MTCH2: variants seen among roughly 807,000 people sequenced by gnomAD.
The protein encoded by MTCH2 is mitochondrial carrier 2.
Under a neutral mutation model 50.6 loss-of-function variants are expected in MTCH2, and 25 were observed. The observed-to-expected ratio is 0.49, with a 90% confidence interval of 0.36 to 0.69. MTCH2 has a LOEUF of 0.69. MTCH2 is among the 30% of genes least tolerant of loss of function. The pLI is 0.00. For synonymous variants in MTCH2, 106 were observed against 132.0 expected (o/e 0.80, Z 1.35); for missense variants, 273 against 384.4 (o/e 0.71, Z 2.42).
At chr11:47,611,391 G>A in the MTCH2 span, among the ~76,000 whole-genome samples, 1 of 152,258 alleles carries the variant, frequency 6.6e-6, no homozygotes, top group Non-Finnish European at 1.5e-5. Context: ...GATGCCAGAA[G>A]GGCAGGGCCC....
chr11:47,631,334 G>A (rs369895289), intron 6 of MTCH2, among the ~76,000 whole-genome samples: 2 of 152,084 alleles, frequency 1.3e-5, no homozygotes, highest in Non-Finnish European at 1.5e-5. Context: ...GCTTGAACCC[G>A]GAAGGCTGAG....
At chr11:47,629,751 T>TAA (rs370201913) in intron 8 of MTCH2, among the ~76,000 whole-genome samples, 19 of 141,214 alleles carry the variant, frequency 1.3e-4, no homozygotes, top group Non-Finnish European at 1.5e-4. Context: ...CTCTGAAAAT[T>TAA]AAAAAAAAAA....
intron 3 of MTCH2, among the ~76,000 whole-genome samples, chr11:47,637,331 T>A (rs1034128882): frequency 3.9e-5 from 6 of 152,132 alleles, no homozygotes; most frequent in African/African-American, 1.2e-4. Context: ...AGTAAAAACA[T>A]AGCCCAGGGT....
chr11:47,624,180 C>T (rs1450345779), intron 11 of MTCH2, among the ~76,000 whole-genome samples: 5 of 148,970 alleles, frequency 3.4e-5, no homozygotes, highest in South Asian at 4.2e-4. Context: ...TGCAGTGAGT[C>T]GAGATTGCAC....
At chr11:47,622,812 A>G in intron 11 of MTCH2, 36 bp from the exon 12 acceptor site, 1 of 990,364 alleles carries the variant, frequency 1.0e-6, no homozygotes, top group Non-Finnish European at 1.3e-6. Context: ...ATTCATGTTA[A>G]TATTAACCAT....
rs905883877 is a variant in MTCH2 at position 47,617,972 on chromosome 11, C to T, written c.*861G>A. On this transcript the variant is annotated 3_prime_UTR_variant, in exon 13 of 13. Coordinates refer to ENST00000302503, the MANE Select transcript of MTCH2 (RefSeq NM_014342.4). ...AACAAAAGATTATATATAATTAGAA[C>T]TGTATGGTGTAATTTAAGCACTGGC... The T allele has an allele frequency of 1.3e-5, 2 of 152,094 alleles. No individual in the cohort carries two copies. The highest frequency in any genetic ancestry group is 6.6e-5 in the Admixed American group (1 of 15,252). 9.4% of individuals were successfully genotyped at this position (152,094 alleles called of 1,614,324 possible).
chr11:47,610,135 C>T, the MTCH2 span, among the ~76,000 whole-genome samples: 1 of 152,154 alleles, frequency 6.6e-6, no homozygotes, highest in African/African-American at 2.4e-5. Flanking sequence ...AGCTAGGAGG[C>T]AGCTGACTTT....
At chr11:47,630,886 C>A in intron 7 of MTCH2, 150 bp downstream of exon 7, 1 of 766,204 alleles carries the variant, frequency 1.3e-6, no homozygotes, top group African/African-American at 1.8e-5. Context: ...ATATTTTCTC[C>A]CATTTTATTG....
intron 12 of MTCH2, among the ~76,000 whole-genome samples, chr11:47,619,457 C>G (rs1288186843): frequency 6.6e-6 from 1 of 151,950 alleles, no homozygotes; most frequent in Non-Finnish European, 1.5e-5. Context: ...TGGTCTCAAA[C>G]TCCTGACCTC....
At chr11:47,636,602 G>A (rs1450079679) in intron 3 of MTCH2, among the ~76,000 whole-genome samples, 2 of 151,680 alleles carry the variant, frequency 1.3e-5, no homozygotes, top group Non-Finnish European at 2.9e-5. Flanking sequence ...CGTGGTGGTA[G>A]GTGCCTGTAA....
rs2097289107 is a variant in MTCH2 at position 47,617,347 on chromosome 11, T to C, written c.*1486A>G. On this transcript the variant is annotated 3_prime_UTR_variant, in exon 13 of 13. Coordinates refer to ENST00000302503, the MANE Select transcript of MTCH2 (RefSeq NM_014342.4). ...TCCCAGATCATCTTTACTTAAAGAT[T>C]TTTTGGGAGAAAAAGGTAGGCAGCA... 1 of 152,216 alleles carries C rather than the reference T, an allele frequency of 6.6e-6. No homozygotes were observed. The highest frequency in any genetic ancestry group is 6.5e-5 in the Admixed American group (1 of 15,276). The allele number at this position is 152,216 out of a possible 1,614,324, so 9.4% of individuals were successfully genotyped here.
downstream of MTCH2, among the ~76,000 whole-genome samples, chr11:47,612,563 C>CA (rs910594380): frequency 1.4e-4 from 20 of 146,534 alleles, no homozygotes; most frequent in South Asian, 2.2e-4. Flanking sequence ...GACTCCATCT[C>CA]AAAAAAAAAA....
intron 5 of MTCH2, 85 bp from the exon 6 acceptor site, chr11:47,631,796 T>G: frequency 6.5e-4 from 943 of 1,440,948 alleles, no homozygotes; most frequent in Non-Finnish European, 8.4e-4. Context: ...GATATCGTGG[T>G]ATAGGATAAG....
At chr11:47,615,031 CTTTTTTTTTTTTTTTT>C (rs61122824), downstream of MTCH2, among the ~76,000 whole-genome samples, 615 of 44,964 alleles carry the variant, frequency 0.014, 15 homozygotes, top group Admixed American at 0.019. Flanking sequence ...CCCAGTGAGG[CTTTTTTTTTTTTTTTT>C]TTTTTTTTTT....
chr11:47,609,124 C>CAAAAAAA, the MTCH2 span, among the ~76,000 whole-genome samples: 26 of 89,902 alleles, frequency 2.9e-4, no homozygotes, highest in South Asian at 9.3e-4. Flanking sequence ...AACTCTGTCT[C>CAAAAAAA]AAAAAAAAAA....
chr11:47,607,034 C>G, the MTCH2 span, among the ~76,000 whole-genome samples: 2 of 152,210 alleles, frequency 1.3e-5, no homozygotes, highest in African/African-American at 4.8e-5. Flanking sequence ...CTGGTTTCCT[C>G]CAATTTGGCA....
chr11:47,619,253 T>C (rs1309238699), intron 12 of MTCH2, among the ~76,000 whole-genome samples: 1 of 152,252 alleles, frequency 6.6e-6, no homozygotes, highest in Non-Finnish European at 1.5e-5. Context: ...TTTTTCTTTT[T>C]TGAGATGGAG....
At position 47,640,325 on chromosome 11, in the gene MTCH2, A is replaced by G. The variant is rs534450763; in HGVS notation, c.88-1274T>C. 1.9e-3 allele frequency among the ~76,000 whole-genome samples: 293 copies of G among 152,308 alleles called. 1 individual carries two copies. Among genetic ancestry groups the G allele is most frequent in the Middle Eastern group, 0.014 (4 of 294 alleles). On this transcript the variant is annotated intron_variant, in intron 1 of 12. Transcript: ENST00000302503. ...GTCTGGGTGACAAGAGCAAAACTCC[A>G]TCTCAAAAACAACAACAAATAAATA...
At chr11:47,638,563 A>AAG (rs1469750559) in intron 3 of MTCH2, 136 bp downstream of exon 3, 4 of 670,268 alleles carry the variant, frequency 6.0e-6, no homozygotes, top group Non-Finnish European at 9.7e-6. Flanking sequence ...AAAAAAAAAA[A>AAG]AAAGAAAGTG....
Sources: gnomAD v4.1 joint callset for allele counts (sites outside exome capture counted in the v4.1 genomes callset) on GRCh38, gnomAD v4.1.1 for gene constraint, MANE v1.5 for transcripts, NCBI Gene and HGNC (gene_info 2026-07-23, HGNC 2026-07-21) for gene names.